PPP3CB: variants seen among roughly 807,000 people sequenced by gnomAD.
PPP3CB encodes protein phosphatase 3 catalytic subunit beta.
PPP3CB carries 8 observed loss-of-function variants against 66.4 expected under a neutral mutation model. That is an observed-to-expected ratio of 0.12 (90% CI 0.07 to 0.22). The LOEUF (loss-of-function observed/expected upper bound fraction) is 0.22. Among genes scored for constraint, PPP3CB ranks in the 10% least tolerant of loss-of-function variants. The probability of loss-of-function intolerance (pLI) is 1.00; values close to 1 mark genes in which losing one functional copy is unlikely to be tolerated. For missense variants in PPP3CB, 319 were observed against 642.5 expected (o/e 0.50, Z 5.44); for synonymous variants, 208 against 221.2 (o/e 0.94, Z 0.53).
intron 9 of PPP3CB, among the ~76,000 whole-genome samples, chr10:73,454,896 G>A (rs2056399831): frequency 3.3e-5 from 5 of 150,216 alleles, no homozygotes; most frequent in Admixed American, 3.3e-4. Flanking sequence ...TTTTGGAGAT[G>A]GAGTCTTGCT....
chr10:73,473,374 C>T (rs1386340430), intron 4 of PPP3CB, among the ~76,000 whole-genome samples: 1 of 152,082 alleles, frequency 6.6e-6, no homozygotes, highest in East Asian at 1.9e-4. Flanking sequence ...CAAAGGCAGG[C>T]CAGATGCGGT....
intron 8 of PPP3CB, among the ~76,000 whole-genome samples, chr10:73,469,269 G>T (rs539104297): frequency 6.6e-6 from 1 of 152,208 alleles, no homozygotes; most frequent in Non-Finnish European, 1.5e-5. Flanking sequence ...GGGCAGGGGC[G>T]CAGTGGCTCA....
chr10:73,471,675 A>T lies in PPP3CB; in HGVS notation c.524-62T>A, dbSNP rs1473152033. ...TGGTGGTGGTGTGACCATTTTAAAA[A>T]CATATATATTAGATTTTTATTTCTT... On this transcript the variant is annotated intron_variant, in intron 4 of 13. Transcript: ENST00000360663. 4.6e-6 allele frequency: 6 copies of T among 1,303,364 alleles called. No homozygotes were observed. In the Admixed American group the frequency reaches 9.4e-5, roughly 20 times the overall value. 80.7% of individuals were successfully genotyped at this position (1,303,364 alleles called of 1,614,324 possible).
At chr10:73,484,354 C>T (rs1183741738) in intron 1 of PPP3CB, among the ~76,000 whole-genome samples, 1 of 151,918 alleles carries the variant, frequency 6.6e-6, no homozygotes, top group Non-Finnish European at 1.5e-5. Context: ...ACTGCAAGCT[C>T]CGCCCCCCGG....
At chr10:73,493,931 C>A (rs937448102) in intron 1 of PPP3CB, among the ~76,000 whole-genome samples, 16 of 152,078 alleles carry the variant, frequency 1.1e-4, no homozygotes, top group African/African-American at 3.9e-4. Flanking sequence ...ACAGAAAAAA[C>A]ATTACCATAT....
intron 12 of PPP3CB, among the ~76,000 whole-genome samples, chr10:73,440,424 G>C (rs77056132): frequency 0.05 from 7,533 of 152,180 alleles, 572 homozygotes; most frequent in African/African-American, 0.16. Context: ...CCTGTTACTT[G>C]TAATTTATAA....
intron 9 of PPP3CB, 25 bp downstream of exon 9, chr10:73,467,528 T>C (rs1589701824): frequency 6.9e-7 from 1 of 1,457,562 alleles, no homozygotes; most frequent in South Asian, 1.4e-5. Context: ...ATAAAACAAA[T>C]TTTTTTTAAA....
At chr10:73,452,617 A>C (rs2056364940) in intron 10 of PPP3CB, among the ~76,000 whole-genome samples, 1 of 151,736 alleles carries the variant, frequency 6.6e-6, no homozygotes, top group South Asian at 2.1e-4. Flanking sequence ...AATTGCTTGA[A>C]CCAGGGAGGT....
intron 1 of PPP3CB, among the ~76,000 whole-genome samples, chr10:73,490,155 G>T (rs919665262): frequency 1.3e-5 from 2 of 152,018 alleles, no homozygotes; most frequent in African/African-American, 4.8e-5. Context: ...CAAATAAATG[G>T]TCCCAATCCT....
Position 73,471,102 on chromosome 10 carries a change from G to A in PPP3CB, c.777C>T (p.His259=). The A allele has an allele frequency of 1.2e-6, 2 of 1,611,150 alleles. No individual in the cohort carries two copies. The highest frequency in any genetic ancestry group is 4.5e-5 in the East Asian group (2 of 44,792). Residue 259 remains histidine (H), a synonymous_variant, in exon 6 of 14, where the codon CAC becomes CAT. Coordinates refer to ENST00000360663, the MANE Select transcript of PPP3CB (RefSeq NM_021132.4). The part of the protein sequence containing the change: ...GNEKSQEHFS[H]NTVRGCSYFY... The stretch of plus-strand genomic sequence containing the variant: ...AATAAGAACATCCTCGAACTGTATT[G>A]TGACTAAAATGTTCCTGTGATTTTT...
At chr10:73,455,175 G>A (rs549357166) in intron 9 of PPP3CB, among the ~76,000 whole-genome samples, 5 of 152,108 alleles carry the variant, frequency 3.3e-5, no homozygotes, top group South Asian at 2.1e-4. Flanking sequence ...AGGCCACTGC[G>A]CCTGGCCTTA....
intron 1 of PPP3CB, among the ~76,000 whole-genome samples, chr10:73,488,153 G>A (rs2057017319): frequency 6.6e-6 from 1 of 152,108 alleles, no homozygotes; most frequent in Non-Finnish European, 1.5e-5. Flanking sequence ...AAGAAGTAGA[G>A]CCATAGTTGA....
intron 1 of PPP3CB, among the ~76,000 whole-genome samples, chr10:73,482,043 G>A (rs371616683): frequency 2.6e-5 from 4 of 152,172 alleles, no homozygotes; most frequent in African/African-American, 7.2e-5. Flanking sequence ...TCATGGTAGA[G>A]TAATTGTTTA....
chr10:73,446,621 G>T, intron 10 of PPP3CB, 48 bp from the exon 11 acceptor site: 3 of 1,522,964 alleles, frequency 2.0e-6, no homozygotes, highest in Non-Finnish European at 2.7e-6. Context: ...TTTAGGGCAT[G>T]CATGCTTACA....
At chr10:73,452,880 C>G (rs2056369428) in intron 10 of PPP3CB, among the ~76,000 whole-genome samples, 1 of 152,180 alleles carries the variant, frequency 6.6e-6, no homozygotes, top group South Asian at 2.1e-4. Flanking sequence ...TGTACAGTTA[C>G]CTTGTACTTT....
chr10:73,438,279 G>A lies in PPP3CB; in HGVS notation c.1538C>T (p.Thr513Ile), dbSNP rs1167941200. The A allele has an allele frequency of 1.2e-6, 2 of 1,614,126 alleles. No homozygotes were observed. The highest frequency in any genetic ancestry group is 1.7e-6 in the Non-Finnish European group (2 of 1,180,018). ...GFNSLNTAHA[T>I]ENHGTGNHTA... ...ATGGTTGCCCGTCCCGTGGTTCTCA[G>A]TGGCATGTGCGGTGTTCAGAGAATT... The change falls in exon 14 of 14, where the codon ACT (threonine) becomes ATT (isoleucine). Residue 513 changes from threonine to isoleucine, a missense_variant. This residue lies in a region of PPP3CB where 25 missense variants were observed against 26.4 expected (regional missense o/e 0.95). Transcript: ENST00000360663.
At chr10:73,479,599 TA>T in intron 1 of PPP3CB, 82 bp from the exon 2 acceptor site, 1 of 1,279,186 alleles carries the variant, frequency 7.8e-7, no homozygotes, top group Non-Finnish European at 1.1e-6. Context: ...TAGATAAGAC[TA>T]AAAACTGTAA....
Position 73,479,312 on chromosome 10 carries a change from C to T in PPP3CB, c.286+5G>A. ...AAATAATACCCAAAACATGAATAAG[C>T]TTACCTGTGATTGGAGCTTCTACTT... On this transcript the variant is annotated splice_donor_5th_base_variant and intron_variant, in intron 2 of 13. Coordinates refer to ENST00000360663, the MANE Select transcript of PPP3CB (RefSeq NM_021132.4). The T allele has an allele frequency of 1.2e-6, 2 of 1,612,234 alleles. No individual in the cohort carries two copies. The highest frequency in any genetic ancestry group is 1.7e-6 in the Non-Finnish European group (2 of 1,178,402).
At position 73,451,469 on chromosome 10, in the gene PPP3CB, A is replaced by T. The variant is rs944346741; in HGVS notation, c.1186+2943T>A. Among the ~76,000 whole-genome samples, 35 of 152,196 alleles carry T rather than the reference A, an allele frequency of 2.3e-4. 1 individual carries two copies. The highest frequency in any genetic ancestry group is 3.4e-3 in the Middle Eastern group (1 of 294). ...ACTTGATAATGACAAAATTTTTTCAAAGAAAAACTATATAACCTTAAATGG... is the reference window on the plus strand; with the variant it reads ...ACTTGATAATGACAAAATTTTTTCATAGAAAAACTATATAACCTTAAATGG... On this transcript the variant is annotated intron_variant, in intron 10 of 13. Transcript: ENST00000360663.
Sources: gnomAD v4.1 joint callset for allele counts (sites outside exome capture counted in the v4.1 genomes callset) on GRCh38, gnomAD v4.1.1 for gene constraint, gnomAD v4.1.1 regional missense constraint, MANE v1.5 for transcripts, NCBI Gene and HGNC (gene_info 2026-07-23, HGNC 2026-07-21) for gene names.